Variants in XIRP2 observed in about 807,000 individuals in gnomAD.
XIRP2 encodes the protein xin actin-binding repeat-containing protein 2.
A neutral mutation model predicts 277.0 loss-of-function variants in XIRP2; 236 were observed. The observed-to-expected ratio is 0.85, with a 90% confidence interval of 0.77 to 0.95. XIRP2 has a LOEUF of 0.95. Among genes scored for constraint, XIRP2 ranks in the 40% least tolerant of loss-of-function variants. The pLI, the probability that XIRP2 is intolerant of heterozygous loss-of-function variation, is 0.00. For missense variants in XIRP2, 4,640 were observed against 4,157.5 expected, an observed-to-expected ratio of 1.12 and a Z score of -3.19; for synonymous variants, 1,490 against 1,416.5, an observed-to-expected ratio of 1.05 and a Z score of -1.17.
rs988646373 is a variant in XIRP2, at chr2:167,242,874, T to C, written c.1482T>C (p.Asn494=). The change falls in exon 9 of 11, where the codon AAT becomes AAC. Residue 494 remains asparagine, a synonymous_variant. Coordinates refer to ENST00000409195, the MANE Select transcript of XIRP2 (RefSeq NM_152381.6). ...VPKDVYSKQR[N]LYELNRLYKH... ...AAGATGTATATTCCAAGCAAAGAAA[T>C]TTGTATGAATTAAACCGTTTATATA... 6.2e-7 allele frequency: 1 copy of C among 1,614,096 alleles called. No individual in the cohort carries two copies. Among genetic ancestry groups the C allele is most frequent in the Non-Finnish European group, 8.5e-7 (1 of 1,179,996 alleles).
intron 2 of XIRP2, among the ~76,000 whole-genome samples, chr2:166,961,195 C>A (rs1453290698): frequency 1.3e-5 from 2 of 151,602 alleles, no homozygotes; most frequent in Non-Finnish European, 3.0e-5. Context: ...ATGATTGAAT[C>A]GTTTTGTATT....
Position 167,245,201 on chromosome 2 carries a change from G to A in XIRP2, c.3809G>A (p.Gly1270Glu). ...AAGACGGTGACAGACATACAAGGTGGGGATGTAAGAAAGGGGTGCTTTATT... is the reference window on the plus strand; with the variant it reads ...AAGACGGTGACAGACATACAAGGTGAGGATGTAAGAAAGGGGTGCTTTATT... The part of the protein sequence containing the change: ...CVKTVTDIQG[G>E]DVRKGCFIFE... Residue 1270 changes from glycine (G) to glutamate (E), a missense_variant, in exon 9 of 11, where the codon GGG becomes GAG. Coordinates refer to ENST00000409195, the MANE Select transcript of XIRP2 (RefSeq NM_152381.6). The A allele has an allele frequency of 1.2e-6, 2 of 1,613,696 alleles. No individual in the cohort carries two copies. The highest frequency in any genetic ancestry group is 1.3e-5 in the African/African-American group (1 of 74,974).
intron 2 of XIRP2, among the ~76,000 whole-genome samples, chr2:167,058,476 G>A (rs1450589806): frequency 6.6e-6 from 1 of 152,146 alleles, no homozygotes; most frequent in African/African-American, 2.4e-5. Flanking sequence ...ATGATTTTGT[G>A]ATTTGACTGG....
chr2:166,945,391 G>A (rs1470338033), intron 2 of XIRP2, among the ~76,000 whole-genome samples: 1 of 152,028 alleles, frequency 6.6e-6, no homozygotes, highest in Non-Finnish European at 1.5e-5. Flanking sequence ...TTCTGGGAAT[G>A]TGATTTAGGA....
intron 2 of XIRP2, among the ~76,000 whole-genome samples, chr2:167,028,674 G>C (rs1688242563): frequency 6.6e-6 from 1 of 151,612 alleles, no homozygotes; most frequent in African/African-American, 2.4e-5. Flanking sequence ...ACCTACAGAA[G>C]CATCAAGAAC....
chr2:166,897,860 T>C (rs143032426), intron 1 of XIRP2, among the ~76,000 whole-genome samples: 76 of 152,134 alleles, frequency 5.0e-4, no homozygotes, highest in African/African-American at 1.8e-3. Context: ...CTCTAGGCAA[T>C]AGACTTTCAA....
chr2:167,244,546 G>A lies in XIRP2; in HGVS notation c.3154G>A (p.Val1052Met), dbSNP rs551539824. ...ISAQEIQTGN[V>M]KSAKWLFETQ... is the part of the protein sequence containing the mutation. Reference sequence around the variant, plus strand: ...TGCTCAAGAAATACAGACTGGAAATGTGAAATCTGCCAAATGGTTGTTTGA... The same window carrying A: ...TGCTCAAGAAATACAGACTGGAAATATGAAATCTGCCAAATGGTTGTTTGA... The change falls in exon 9 of 11, where the codon GTG becomes ATG. Residue 1052 changes from valine to methionine, a missense_variant. Val to Met is a conservative substitution (Grantham distance 21). Transcript: ENST00000409195. 79 of 1,613,050 alleles carry A rather than the reference G, an allele frequency of 4.9e-5. 1 individual carries two copies. The Admixed American group carries it at 8.4e-4, about 17-fold the overall frequency.
At chr2:167,048,716 A>G (rs1180080884) in intron 2 of XIRP2, among the ~76,000 whole-genome samples, 1 of 151,898 alleles carries the variant, frequency 6.6e-6, no homozygotes, top group Non-Finnish European at 1.5e-5. Context: ...CCTGAAATCT[A>G]ATTATTGTCT....
At chr2:166,966,873 A>T (rs1430012488) in intron 2 of XIRP2, among the ~76,000 whole-genome samples, 1 of 152,120 alleles carries the variant, frequency 6.6e-6, no homozygotes, top group African/African-American at 2.4e-5. Context: ...GCTATTCAAA[A>T]TGTAGTGCTT....
chr2:167,224,169 G>A (rs1016644996), intron 5 of XIRP2, among the ~76,000 whole-genome samples: 7 of 152,022 alleles, frequency 4.6e-5, no homozygotes, highest in Admixed American at 3.3e-4. Context: ...TCACTCATGA[G>A]GTGGTGCCCT....
intron 1 of XIRP2, among the ~76,000 whole-genome samples, chr2:166,896,549 T>C (rs969252357): frequency 6.6e-6 from 1 of 151,622 alleles, no homozygotes; most frequent in Non-Finnish European, 1.5e-5. Flanking sequence ...TTTTCTACAG[T>C]TGTACAATGT....
chr2:167,027,796 C>G (rs1031226863), intron 2 of XIRP2, among the ~76,000 whole-genome samples: 1 of 151,978 alleles, frequency 6.6e-6, no homozygotes, highest in Non-Finnish European at 1.5e-5. Context: ...ACAGGTAAAT[C>G]TTAAATAGAG....
At chr2:167,058,129 C>T (rs780876986) in intron 2 of XIRP2, among the ~76,000 whole-genome samples, 3 of 151,006 alleles carry the variant, frequency 2.0e-5, no homozygotes, top group Admixed American at 6.6e-5. Context: ...GTGGCATGAT[C>T]GCGGCTCACT....
At chr2:167,103,903 A>G (rs1690549034) in intron 2 of XIRP2, among the ~76,000 whole-genome samples, 1 of 152,118 alleles carries the variant, frequency 6.6e-6, no homozygotes, top group Admixed American at 6.6e-5. Flanking sequence ...TTACTGCATT[A>G]TTACCAGCAC....
At chr2:167,232,646 T>C (rs1431388254) in intron 5 of XIRP2, among the ~76,000 whole-genome samples, 1 of 151,974 alleles carries the variant, frequency 6.6e-6, no homozygotes, top group Non-Finnish European at 1.5e-5. Context: ...TAAGTAAAGA[T>C]ACCAAACACT....
intron 2 of XIRP2, among the ~76,000 whole-genome samples, chr2:167,032,233 G>T (rs1019088746): frequency 2.0e-5 from 3 of 152,086 alleles, no homozygotes; most frequent in African/African-American, 7.2e-5. Context: ...AATGGTGTTG[G>T]GAAAACTGGC....
chr2:167,159,892 T>G (rs938602019), intron 3 of XIRP2, among the ~76,000 whole-genome samples: 1 of 152,194 alleles, frequency 6.6e-6, no homozygotes, highest in African/African-American at 2.4e-5. Flanking sequence ...AAAGGCTATG[T>G]GCATTCAGGG....
At chr2:167,231,853 A>T (rs1213838163) in intron 5 of XIRP2, among the ~76,000 whole-genome samples, 1 of 152,026 alleles carries the variant, frequency 6.6e-6, no homozygotes, top group Admixed American at 6.6e-5. Flanking sequence ...CAGAAGCAAC[A>T]TCCAGTACAC....
intron 1 of XIRP2, among the ~76,000 whole-genome samples, chr2:166,898,592 A>G (rs1340249505): frequency 6.6e-6 from 1 of 152,146 alleles, no homozygotes; most frequent in African/African-American, 2.4e-5. Context: ...CAGTAATTCC[A>G]TCTTACATAA....
Sources: allele counts gnomAD v4.1 joint callset (sites outside exome capture counted in the v4.1 genomes callset), GRCh38; gene constraint gnomAD v4.1.1; transcripts MANE v1.5; gene names NCBI Gene and HGNC (gene_info 2026-07-23, HGNC 2026-07-21).